Variants in ALKBH1 observed in about 807,000 individuals in gnomAD.
The protein encoded by ALKBH1 is alkB homolog 1, histone H2A dioxygenase.
ALKBH1 carries 31 observed loss-of-function variants against 36.6 expected under a neutral mutation model. The ratio of observed to expected loss-of-function variants is 0.85; its 90% CI spans 0.64 to 1.14. The LOEUF (loss-of-function observed/expected upper bound fraction) is 1.14. Ranked by LOEUF, ALKBH1 falls within the 50% of genes most tolerant of loss-of-function variation. The probability of loss-of-function intolerance (pLI) is 0.00; values close to 1 mark genes in which losing one functional copy is unlikely to be tolerated. For synonymous variants in ALKBH1, 183 were observed against 186.6 expected, an observed-to-expected ratio of 0.98 and a Z score of 0.16; for missense variants, 490 against 497.3, an observed-to-expected ratio of 0.99 and a Z score of 0.14.
At chr14:77,676,957 C>T (rs778408293) in intron 4 of ALKBH1, among the ~76,000 whole-genome samples, 3 of 152,078 alleles carry the variant, frequency 2.0e-5, no homozygotes, top group Non-Finnish European at 4.4e-5. Context: ...CCTGAACTTA[C>T]TTCCCTGGGC....
Position 77,673,917 on chromosome 14 carries a change from T to C in ALKBH1, c.1065A>G (p.Leu355=), listed in dbSNP as rs1429769681. The C allele has an allele frequency of 1.9e-5, 30 of 1,614,090 alleles. No individual in the cohort carries two copies. Among genetic ancestry groups the C allele is most frequent in the Non-Finnish European group, 2.5e-5 (29 of 1,180,048 alleles). ...QVLATDQNFP[L]EPIEDEKRDI... ...CTCTTTTTTCATCCTCGATGGGTTC[T>C]AGAGGGAAATTCTGGTCTGTGGCCA... The change falls in exon 6 of 6, where the codon CTA becomes CTG. Residue 355 remains leucine, a synonymous_variant. Coordinates refer to ENST00000216489, the MANE Select transcript of ALKBH1 (RefSeq NM_006020.3).
chr14:77,676,639 T>C (rs751236708), intron 4 of ALKBH1, among the ~76,000 whole-genome samples: 2 of 152,266 alleles, frequency 1.3e-5, no homozygotes, highest in Non-Finnish European at 2.9e-5. Context: ...AATGTATTAC[T>C]ATTGGTTAAC....
chr14:77,706,104 C>CATATATATATAT (rs72210300), intron 1 of ALKBH1, among the ~76,000 whole-genome samples: 1 of 147,412 alleles, frequency 6.8e-6, no homozygotes, highest in Admixed American at 6.7e-5. Flanking sequence ...TATACACACA[C>CATATATATATAT]ACATATATAT....
chr14:77,705,396 C>A (rs1317920994), intron 1 of ALKBH1, among the ~76,000 whole-genome samples: 1 of 115,040 alleles, frequency 8.7e-6, no homozygotes, highest in Non-Finnish European at 1.7e-5. Flanking sequence ...AGGAACAGAG[C>A]AAGACTCCGT....
At chr14:77,690,097 G>T (rs1304447842) in intron 3 of ALKBH1, among the ~76,000 whole-genome samples, 1 of 151,940 alleles carries the variant, frequency 6.6e-6, no homozygotes, top group Admixed American at 6.6e-5. Flanking sequence ...CTTCTAAGAT[G>T]ATATTAGAAC....
chr14:77,682,936 G>A (rs964110618), intron 3 of ALKBH1, among the ~76,000 whole-genome samples: 1 of 151,964 alleles, frequency 6.6e-6, no homozygotes, highest in Non-Finnish European at 1.5e-5. Context: ...ACCTCAGGTG[G>A]TCCACCCGCC....
intron 5 of ALKBH1, 58 bp from the exon 6 acceptor site, chr14:77,674,299 C>T (rs2080193191): frequency 6.9e-7 from 1 of 1,449,914 alleles, no homozygotes; most frequent in Admixed American, 2.7e-5. Context: ...TGTTTATTAA[C>T]TATGACTGGG....
chr14:77,677,376 G>C (rs951347557), intron 4 of ALKBH1, among the ~76,000 whole-genome samples: 28 of 152,164 alleles, frequency 1.8e-4, no homozygotes, highest in Non-Finnish European at 3.7e-4. Context: ...TTCTGCATGA[G>C]TGACATGGCT....
chr14:77,675,687 G>T lies in ALKBH1; in HGVS notation c.709C>A (p.Leu237Ile). ...GACAGCAAGGGTTTGGAGTGATCTA[G>T]CTCAGATCTGTCTACGTGGATTCCC... ...TLGIHVDRSELDHSKPLLSFS... is the reference protein window; with the variant it reads ...TLGIHVDRSEIDHSKPLLSFS... Residue 237 changes from leucine to isoleucine, a missense_variant, in exon 5 of 6, where the codon CTA becomes ATA. Coordinates refer to ENST00000216489, the MANE Select transcript of ALKBH1 (RefSeq NM_006020.3). 1 of 1,614,150 alleles carries T rather than the reference G, an allele frequency of 6.2e-7. No homozygotes were observed. The highest frequency in any genetic ancestry group is 8.5e-7 in the Non-Finnish European group (1 of 1,180,020).
chr14:77,674,170 T>C lies in ALKBH1; in HGVS notation c.812A>G (p.His271Arg). The C allele has an allele frequency of 1.2e-6, 2 of 1,614,160 alleles. No homozygotes were observed. The highest frequency in any genetic ancestry group is 1.7e-6 in the Non-Finnish European group (2 of 1,180,018). The change falls in exon 6 of 6, where the codon CAC becomes CGC. Residue 271 changes from histidine (H) to arginine (R), a missense_variant. Physicochemically the swap from His to Arg is conservative, Grantham distance 29. Coordinates refer to ENST00000216489, the MANE Select transcript of ALKBH1 (RefSeq NM_006020.3). Reference sequence around the variant, plus strand: ...CGACATTATCATGATGTCACCACTGTGCATAAACATGGCCGTGGGGGCCTC... The same window carrying C: ...CGACATTATCATGATGTCACCACTGCGCATAAACATGGCCGTGGGGGCCTC... ...RDEAPTAMFM[H>R]SGDIMIMSGF...
intron 2 of ALKBH1, among the ~76,000 whole-genome samples, chr14:77,703,738 C>T (rs1288261035): frequency 6.6e-6 from 1 of 151,656 alleles, no homozygotes. Flanking sequence ...GCTGGGATTA[C>T]AGGCACGCAC....
Position 77,675,777 on chromosome 14 carries a change from A to G in ALKBH1, c.619T>C (p.Cys207Arg). 6.2e-7 allele frequency: 1 copy of G among 1,614,146 alleles called. No homozygotes were observed. The highest frequency in any genetic ancestry group is 1.1e-5 in the South Asian group (1 of 91,086). Residue 207 changes from cysteine (C) to arginine (R), a missense_variant, in exon 5 of 6, where the codon TGT becomes CGT. Cys to Arg is a radical substitution (Grantham distance 180, BLOSUM62 -3). Coordinates refer to ENST00000216489, the MANE Select transcript of ALKBH1 (RefSeq NM_006020.3). ...TCAGCTCGGAAATCCTCAAATCCAC[A>G]GGCAGCGGCTACTTGCTCTGAGAGG... ...GFLSEQVAAA[C>R]GFEDFRAEAG...
At chr14:77,688,598 G>T (rs1473322615) in intron 3 of ALKBH1, among the ~76,000 whole-genome samples, 7 of 148,954 alleles carry the variant, frequency 4.7e-5, no homozygotes, top group African/African-American at 1.7e-4. Flanking sequence ...TGTCGCGCAG[G>T]CTGGAGTAGA....
At chr14:77,675,910 A>G (rs1053808781) in intron 4 of ALKBH1, 61 bp from the exon 5 acceptor site, 9 of 1,350,306 alleles carry the variant, frequency 6.7e-6, no homozygotes, top group South Asian at 6.1e-5. Flanking sequence ...ACAGGAAACT[A>G]TAAGATTAAT....
intron 3 of ALKBH1, among the ~76,000 whole-genome samples, chr14:77,690,039 G>A (rs1408946886): frequency 6.6e-6 from 1 of 152,132 alleles, no homozygotes; most frequent in Admixed American, 6.6e-5. Flanking sequence ...GATAAAGAAT[G>A]AGGGGAAGTA....
chr14:77,686,261 C>G (rs945210391), intron 3 of ALKBH1, among the ~76,000 whole-genome samples: 1 of 152,156 alleles, frequency 6.6e-6, no homozygotes, highest in African/African-American at 2.4e-5. Context: ...GCATAAAATA[C>G]TGAGAGAATC....
Position 77,673,944 on chromosome 14 carries a change from G to A in ALKBH1, c.1038C>T (p.Val346=), listed in dbSNP as rs1443338333. ...TARVNMTVRQ[V]LATDQNFPLE... Reference sequence around the variant, plus strand: ...GAGGGAAATTCTGGTCTGTGGCCAGGACCTGTCGGACAGTCATGTTAACAC... The same window carrying A: ...GAGGGAAATTCTGGTCTGTGGCCAGAACCTGTCGGACAGTCATGTTAACAC... Residue 346 remains valine (V), a synonymous_variant, in exon 6 of 6, where the codon GTC becomes GTT. Transcript: ENST00000216489. 2 of 1,614,150 alleles carry A rather than the reference G, an allele frequency of 1.2e-6. No individual in the cohort carries two copies. Among genetic ancestry groups the A allele is most frequent in the Non-Finnish European group, 8.5e-7 (1 of 1,180,042 alleles).
At chr14:77,687,801 G>T (rs1371784905) in intron 3 of ALKBH1, among the ~76,000 whole-genome samples, 1 of 148,880 alleles carries the variant, frequency 6.7e-6, no homozygotes, top group Non-Finnish European at 1.5e-5. Context: ...GCTTCCTGGG[G>T]CCAACAGCCT....
At chr14:77,676,035 TGCCCAGGCTAAA>T (rs1008057751) in intron 4 of ALKBH1, among the ~76,000 whole-genome samples, 186 bp from the exon 5 acceptor site, 1 of 151,684 alleles carries the variant, frequency 6.6e-6, no homozygotes, top group African/African-American at 2.4e-5. Context: ...CTCAATCTGT[TGCCCAGGCTAAA>T]GTCCAGTGGT....
Sources: allele counts gnomAD v4.1 joint callset (sites outside exome capture counted in the v4.1 genomes callset), GRCh38; gene constraint gnomAD v4.1.1; transcripts MANE v1.5; gene names NCBI Gene and HGNC (gene_info 2026-07-23, HGNC 2026-07-21).